ZEB2: variants seen among roughly 807,000 people sequenced by gnomAD.
ZEB2 encodes zinc finger E-box-binding homeobox 2.
ZEB2 carries 6 observed loss-of-function variants against 99.9 expected under a neutral mutation model. The ratio of observed to expected loss-of-function variants is 0.06; its 90% CI spans 0.03 to 0.12. ZEB2 has a LOEUF of 0.12. ZEB2 is among the 10% of genes least tolerant of loss of function. ZEB2 has a pLI of 1.00. For missense variants in ZEB2, 969 were observed against 1,502.8 expected (o/e 0.64, Z 5.87); for synonymous variants, 517 against 542.5 (o/e 0.95, Z 0.65).
intron 2 of ZEB2, among the ~76,000 whole-genome samples, chr2:144,484,185 T>TTGTGTGTGTGTGTGTGTGTGTGTGTGTG (rs10529605): frequency 3.2e-4 from 46 of 142,526 alleles, no homozygotes; most frequent in Non-Finnish European, 4.3e-4. Context: ...AAATCTGGAT[T>TTGTGTGTGTGTGTGTGTGTGTGTGTGTG]TGTGTGTGTG....
chr2:144,512,425 C>T (rs770266499), intron 2 of ZEB2: 325 of 1,287,164 alleles, frequency 2.5e-4, no homozygotes, highest in Middle Eastern at 3.3e-4. Context: ...TACATTTTTC[C>T]CAGGAAATAT....
intron 2 of ZEB2, among the ~76,000 whole-genome samples, chr2:144,476,582 C>A (rs1421828276): frequency 1.3e-5 from 2 of 152,176 alleles, no homozygotes; most frequent in Admixed American, 6.5e-5. Flanking sequence ...GCACCTGAAA[C>A]AACTTTTCCC....
chr2:144,433,148 A>G (rs78388210), intron 2 of ZEB2, among the ~76,000 whole-genome samples: 1 of 152,342 alleles, frequency 6.6e-6, no homozygotes, highest in East Asian at 1.9e-4. Flanking sequence ...CTGCAATTCA[A>G]TAAACAAGAG....
At chr2:144,512,426 C>G (rs1705056420) in intron 2 of ZEB2, 1 of 1,287,080 alleles carries the variant, frequency 7.8e-7, no homozygotes, top group Non-Finnish European at 1.0e-6. Flanking sequence ...ACATTTTTCC[C>G]AGGAAATATT....
intron 2 of ZEB2, among the ~76,000 whole-genome samples, chr2:144,492,550 TG>T (rs1704695218): frequency 6.6e-6 from 1 of 152,158 alleles, no homozygotes; most frequent in South Asian, 2.1e-4. Flanking sequence ...TCTTATGGCT[TG>T]TATGAAAGTA....
At chr2:144,422,641 A>G (rs1365315769) in intron 4 of ZEB2, among the ~76,000 whole-genome samples, 2 of 152,184 alleles carry the variant, frequency 1.3e-5, no homozygotes, top group African/African-American at 2.4e-5. Context: ...CTCTACTAGA[A>G]ATACAAAAAT....
chr2:144,477,695 G>A (rs550339478), intron 2 of ZEB2, among the ~76,000 whole-genome samples: 6 of 152,204 alleles, frequency 3.9e-5, no homozygotes, highest in African/African-American at 4.8e-5. Context: ...TCCATTTCGT[G>A]TGAATACCGT....
Position 144,399,276 on chromosome 2 carries a change from T to A in ZEB2, c.1911A>T (p.Ser637=). ...TCATTCCTTTCTCAGAAAGTACAGA[T>A]GACAAGAGGAGGGCTTTATTATCAA... ...VFVDNKALLL[S]SVLSEKGMTS... The change falls in exon 8 of 10, where the codon TCA becomes TCT. Residue 637 remains serine (S), a synonymous_variant. Coordinates refer to ENST00000627532, the MANE Select transcript of ZEB2 (RefSeq NM_014795.4). The surrounding 1 kb of genome is among the most constrained non-coding windows in gnomAD (Gnocchi z 5.6). 1 of 1,614,094 alleles carries A rather than the reference T, an allele frequency of 6.2e-7. No individual in the cohort carries two copies. Among genetic ancestry groups the A allele is most frequent in the South Asian group, 1.1e-5 (1 of 91,078 alleles).
At chr2:144,500,688 C>A (rs1259728673) in intron 2 of ZEB2, among the ~76,000 whole-genome samples, 1 of 152,094 alleles carries the variant, frequency 6.6e-6, no homozygotes, top group Non-Finnish European at 1.5e-5. Context: ...ACAGTAGAAA[C>A]CCTTGGTTTC....
At chr2:144,431,999 GAA>G (rs80124435) in intron 2 of ZEB2, among the ~76,000 whole-genome samples, 17 of 112,768 alleles carry the variant, frequency 1.5e-4, no homozygotes, top group East Asian at 1.3e-3. Flanking sequence ...CTTTATCCTG[GAA>G]AAAAAAAAAA....
chr2:144,469,840 T>G (rs1704330702), intron 2 of ZEB2, among the ~76,000 whole-genome samples: 2 of 152,212 alleles, frequency 1.3e-5, no homozygotes, highest in Admixed American at 1.3e-4. Flanking sequence ...ACTTGTGCCT[T>G]TTAAGGAAGA....
At chr2:144,473,403 C>T (rs556747144) in intron 2 of ZEB2, among the ~76,000 whole-genome samples, 2 of 152,242 alleles carry the variant, frequency 1.3e-5, no homozygotes, top group Admixed American at 6.5e-5. Flanking sequence ...GGTCCTAAAA[C>T]GTGGCTGGCT....
intron 6 of ZEB2, among the ~76,000 whole-genome samples, chr2:144,402,606 A>T (rs192013935): frequency 1.9e-4 from 29 of 152,346 alleles, no homozygotes; most frequent in African/African-American, 6.7e-4. Context: ...CCATGAGCAA[A>T]TGAGGGGACT....
rs1703100414 is a variant in ZEB2 at position 144,387,436 on chromosome 2, G to C, written c.*2015C>G. 6.6e-6 allele frequency: 1 copy of C among 151,996 alleles called. No homozygotes were observed. The highest frequency in any genetic ancestry group is 1.9e-4 in the East Asian group (1 of 5,192). The allele number at this position is 151,996 out of a possible 1,614,324, so 9.4% of individuals were successfully genotyped here. ...AATACATTCATATTCTGAATATTAG[G>C]GTCATCTTGTAAAAACTGAAAAACT... On this transcript the variant is annotated 3_prime_UTR_variant, in exon 10 of 10. Coordinates refer to ENST00000627532, the MANE Select transcript of ZEB2 (RefSeq NM_014795.4).
In ZEB2 at chr2:144,498,041, AAT is replaced by A. The variant is rs1704805743; in HGVS notation, c.73+19235_73+19236del. Among the ~76,000 whole-genome samples, 2 of 57,560 alleles carry A rather than the reference AAT, an allele frequency of 3.5e-5. 1 individual carries two copies. Among genetic ancestry groups the A allele is most frequent in the African/African-American group, 1.2e-4 (2 of 16,342 alleles). The allele number at this position is 57,560 out of a possible 152,430, so 37.8% of individuals were successfully genotyped here. ...TATTATATATTATATAATATATATTAATATTATATATTATATAATATATATTA... is the reference window on the plus strand; with the variant it reads ...TATTATATATTATATAATATATATTAATTATATATTATATAATATATATTA... On this transcript the variant is annotated intron_variant, in intron 2 of 9. Coordinates refer to ENST00000627532, the MANE Select transcript of ZEB2 (RefSeq NM_014795.4).
intron 6 of ZEB2, 107 bp from the exon 7 acceptor site, chr2:144,401,414 G>C: frequency 1.0e-6 from 1 of 980,368 alleles, no homozygotes; most frequent in Non-Finnish European, 1.6e-6. Flanking sequence ...CAAAAGGTTT[G>C]AGTGCATGCT....
At chr2:144,395,973 A>C (rs988315326) in intron 9 of ZEB2, among the ~76,000 whole-genome samples, 1 of 152,140 alleles carries the variant, frequency 6.6e-6, no homozygotes, top group Non-Finnish European at 1.5e-5. Context: ...AAGGCAAACA[A>C]AATTACCCCT....
intron 2 of ZEB2, among the ~76,000 whole-genome samples, chr2:144,483,738 T>C (rs1287052641): frequency 1.3e-5 from 2 of 152,098 alleles, no homozygotes; most frequent in Non-Finnish European, 2.9e-5. Flanking sequence ...TAATAGTGAG[T>C]CAGGAGCCAA....
chr2:144,467,879 T>C (rs1229744055), intron 2 of ZEB2, among the ~76,000 whole-genome samples: 1 of 152,146 alleles, frequency 6.6e-6, no homozygotes, highest in South Asian at 2.1e-4. Context: ...TGCGTGCTGA[T>C]TGAGTACTTA....
Sources: allele counts gnomAD v4.1 joint callset (sites outside exome capture counted in the v4.1 genomes callset), GRCh38; gene constraint gnomAD v4.1.1; non-coding constraint Gnocchi (gnomAD v3.1); transcripts MANE v1.5; gene names NCBI Gene and HGNC (gene_info 2026-07-23, HGNC 2026-07-21).